The following HROB variants were observed in gnomAD, a reference collection of about 807,000 sequenced individuals.
HROB encodes homologous recombination factor with OB-fold, also known as homologous recombination OB-fold protein.
In HROB, 44 loss-of-function variants were observed where a neutral mutation model predicts 61.0. That is an observed-to-expected ratio of 0.72 (90% CI 0.57 to 0.93). The LOEUF is 0.93. Ranked by LOEUF, HROB falls within the 40% of genes least tolerant of loss-of-function variation. The pLI is 0.00. For missense variants in HROB, 716 were observed against 796.2 expected (o/e 0.90, Z 1.21); for synonymous variants, 301 against 310.4 (o/e 0.97, Z 0.32).
At chr17:44,155,020 T>C (rs2053930798) in intron 7 of HROB, 82 bp downstream of exon 7, 4 of 1,490,038 alleles carry the variant, frequency 2.7e-6, no homozygotes, top group Middle Eastern at 1.7e-4. Flanking sequence ...GCTGCCTTCC[T>C]CTACAACACC....
intron 5 of HROB, among the ~76,000 whole-genome samples, chr17:44,153,847 C>T (rs570632002): frequency 2.7e-5 from 4 of 150,936 alleles, no homozygotes; most frequent in African/African-American, 7.3e-5. Context: ...GTCAGGAGTT[C>T]GAGACCAGCC....
At chr17:44,144,364 C>T (rs1014050827) in intron 1 of HROB, among the ~76,000 whole-genome samples, 11 of 152,056 alleles carry the variant, frequency 7.2e-5, no homozygotes, top group African/African-American at 2.2e-4. Context: ...TGGTCTCGAA[C>T]GCCTGACCTT....
chr17:44,148,747 C>A lies in HROB; in HGVS notation c.944C>A (p.Pro315His). The A allele has an allele frequency of 6.2e-7, 1 of 1,614,200 alleles. No homozygotes were observed. Among genetic ancestry groups the A allele is most frequent in the East Asian group, 2.2e-5 (1 of 44,892 alleles). ...TGGTTAAGTGGCAAAGCTCATTTAC[C>A]CAGACCTCGAACTCCCAACTCAAGC... ...SSWLSGKAHL[P>H]RPRTPNSSCS... Residue 315 changes from proline (P) to histidine (H), a missense_variant, in exon 3 of 10, where the codon CCC becomes CAC. By Grantham distance (77) the Pro-to-His change is moderately conservative. Transcript: ENST00000585683.
intron 9 of HROB, among the ~76,000 whole-genome samples, chr17:44,158,515 A>C (rs988106271): frequency 6.6e-6 from 1 of 152,162 alleles, no homozygotes; most frequent in African/African-American, 2.4e-5. Flanking sequence ...ACAGGGTCTC[A>C]TTCTGTTGCC....
At chr17:44,156,124 A>G (rs1362720840) in intron 8 of HROB, among the ~76,000 whole-genome samples, 1 of 152,190 alleles carries the variant, frequency 6.6e-6, no homozygotes, top group Non-Finnish European at 1.5e-5. Flanking sequence ...CATCTTAGAC[A>G]GAGGTTTTCA....
intron 4 of HROB, among the ~76,000 whole-genome samples, chr17:44,152,178 C>T (rs950596992): frequency 2.6e-5 from 4 of 151,894 alleles, no homozygotes; most frequent in Admixed American, 2.6e-4. Context: ...CGAGGTTTCA[C>T]CATGTTGGCC....
At chr17:44,157,536 C>A (rs1477639750) in intron 8 of HROB, among the ~76,000 whole-genome samples, 3 of 151,544 alleles carry the variant, frequency 2.0e-5, no homozygotes, top group African/African-American at 7.3e-5. Flanking sequence ...GCCTCAGCCT[C>A]CCGAGTAGCT....
chr17:44,142,440 T>TTCC (rs2053476025), intron 1 of HROB, among the ~76,000 whole-genome samples: 1 of 151,210 alleles, frequency 6.6e-6, no homozygotes, highest in Non-Finnish European at 1.5e-5. Context: ...GTCCATCCCT[T>TTCC]TCCCCTCCCC....
At chr17:44,147,198 C>T (rs1362113377) in intron 2 of HROB, among the ~76,000 whole-genome samples, 2 of 151,986 alleles carry the variant, frequency 1.3e-5, no homozygotes, top group African/African-American at 2.4e-5. Context: ...TGTTGTGTGA[C>T]CTAGGGTGAT....
At chr17:44,142,546 A>G (rs1220105272) in intron 1 of HROB, among the ~76,000 whole-genome samples, 1 of 147,486 alleles carries the variant, frequency 6.8e-6, no homozygotes, top group African/African-American at 2.5e-5. Context: ...TGCTCACTGC[A>G]ACCGTCGTCT....
rs1283746744 is a variant in HROB at position 44,148,645 on chromosome 17, T to C, written c.842T>C (p.Leu281Pro). Residue 281 changes from leucine (L) to proline (P), a missense_variant, in exon 3 of 10, where the codon CTC becomes CCC. Transcript: ENST00000585683. ...TCCCCTGTTCAAGCACTTCAGCCTC[T>C]CCAAGCTGCTAGAGGGACCATTCAG... Reference protein sequence around the residue: ...QRSPVQALQPLQAARGTIQSS... With the variant: ...QRSPVQALQPPQAARGTIQSS... 3.7e-6 allele frequency: 6 copies of C among 1,613,698 alleles called. No individual in the cohort carries two copies. The East Asian group carries it at 1.3e-4, about 36-fold the overall frequency.
chr17:44,150,701 A>G (rs992292192), intron 3 of HROB, among the ~76,000 whole-genome samples: 2 of 152,166 alleles, frequency 1.3e-5, no homozygotes, highest in East Asian at 1.9e-4. Context: ...AGGCCTCTCT[A>G]TTTGGGTCAC....
chr17:44,148,780 C>G lies in HROB; in HGVS notation c.977C>G (p.Thr326Ser). The G allele has an allele frequency of 6.2e-7, 1 of 1,614,208 alleles. No individual in the cohort carries two copies. The highest frequency in any genetic ancestry group is 8.5e-7 in the Non-Finnish European group (1 of 1,180,040). ...RPRTPNSSCS[T>S]PSRTSSGLFP... ...CGAACTCCCAACTCAAGCTGTTCTA[C>G]TCCCTCAAGGACTAGCTCTGGATTA... Residue 326 changes from threonine (T) to serine (S), a missense_variant, in exon 3 of 10, where the codon ACT (threonine) becomes AGT (serine). Transcript: ENST00000585683.
chr17:44,142,214 G>C (rs1359475789), intron 1 of HROB, 69 bp downstream of exon 1: 12 of 1,404,944 alleles, frequency 8.5e-6, no homozygotes, highest in Non-Finnish European at 1.1e-5. Context: ...TGCTCATGGG[G>C]TTCCAGCCCC....
intron 2 of HROB, among the ~76,000 whole-genome samples, chr17:44,145,544 T>A (rs1384249765): frequency 6.6e-6 from 1 of 152,220 alleles, no homozygotes; most frequent in Non-Finnish European, 1.5e-5. Flanking sequence ...ATAACATACT[T>A]GCAGTGGGAA....
rs1261511733 is a variant in HROB, at chr17:44,148,150, G to GAGTGAC, written c.356_361dup (p.Val119_Thr120dup). On this transcript the variant is annotated inframe_insertion, in exon 3 of 10. Coordinates refer to ENST00000585683, the MANE Select transcript of HROB (RefSeq NM_001171251.3). Reference sequence around the variant, plus strand: ...AGCAGCTGGATTGGCAATCAGAGAAGAGTGACAGTGACAGAAGTGCTCAGA... The same window carrying GAGTGAC: ...AGCAGCTGGATTGGCAATCAGAGAAGAGTGACAGTGACAGTGACAGAAGTGCTCAGA... 6.2e-7 allele frequency: 1 copy of GAGTGAC among 1,614,082 alleles called. No homozygotes were observed. The highest frequency in any genetic ancestry group is 1.3e-5 in the African/African-American group (1 of 74,922).
At chr17:44,146,421 C>A (rs2053612825) in intron 2 of HROB, among the ~76,000 whole-genome samples, 1 of 152,164 alleles carries the variant, frequency 6.6e-6, no homozygotes, top group Non-Finnish European at 1.5e-5. Context: ...CTTTGTCTTT[C>A]AGCTTTGGAG....
Position 44,152,773 on chromosome 17 carries a change from G to C in HROB, c.1445G>C (p.Arg482Pro). 8 of 1,612,840 alleles carry C rather than the reference G, an allele frequency of 5.0e-6. No individual in the cohort carries two copies. Among genetic ancestry groups the C allele is most frequent in the South Asian group, 1.1e-5 (1 of 90,956 alleles). ...ACCTACAGCATTGTCATGGTGCTGC[G>C]CAAGGTAAGGATTCTGGGTGCTGAG... ...LCTYSIVMVL[R>P]KAALKQLPRN... Residue 482 changes from arginine (R) to proline (P), a missense_variant, in exon 5 of 10, where the codon CGC becomes CCC. Coordinates refer to ENST00000585683, the MANE Select transcript of HROB (RefSeq NM_001171251.3).
In HROB at chr17:44,152,573, A is replaced by G. The variant is rs576907899; in HGVS notation, c.1309-64A>G. On this transcript the variant is annotated intron_variant, in intron 4 of 9. Coordinates refer to ENST00000585683, the MANE Select transcript of HROB (RefSeq NM_001171251.3). ...CTCTCTCACCCTTCCACCCTGTTTC[A>G]ATCAAGAGTCTGTAGCAAGGTAGAC... The G allele has an allele frequency of 3.0e-5, 47 of 1,561,784 alleles. No individual in the cohort carries two copies. In the East Asian group the frequency reaches 1.0e-3, roughly 34 times the overall value.
Sources: gnomAD v4.1 joint callset for allele counts (sites outside exome capture counted in the v4.1 genomes callset) on GRCh38, gnomAD v4.1.1 for gene constraint, MANE v1.5 for transcripts, NCBI Gene and HGNC (gene_info 2026-07-23, HGNC 2026-07-21) for gene names.